Variants in LRRIQ1 observed in about 807,000 individuals in gnomAD.
The protein encoded by LRRIQ1 is leucine-rich repeat- and IQ domain-containing protein 1.
In LRRIQ1, 210 loss-of-function variants were observed where a neutral mutation model predicts 211.9. The observed-to-expected ratio is 0.99, with a 90% confidence interval of 0.89 to 1.11. The LOEUF (loss-of-function observed/expected upper bound fraction) is 1.11, where lower values mean the gene tolerates loss of function less well. Among genes scored for constraint, LRRIQ1 ranks in the 50% most tolerant of loss-of-function variants. The pLI, the probability that LRRIQ1 is intolerant of heterozygous loss-of-function variation, is 0.00. For missense variants in LRRIQ1, 2,136 were observed against 1,939.5 expected (o/e 1.10, Z -1.90); for synonymous variants, 699 against 650.1 (o/e 1.08, Z -1.14).
chr12:85,198,784 G>C (rs58728306), intron 24 of LRRIQ1, among the ~76,000 whole-genome samples: 7 of 152,042 alleles, frequency 4.6e-5, no homozygotes, highest in Non-Finnish European at 1.0e-4. Flanking sequence ...TAGCCAGAAT[G>C]GTCTTGATTT....
chr12:85,255,925 CAT>C (rs1896076709), intron 1 of LRRIQ1, among the ~76,000 whole-genome samples: 1 of 151,688 alleles, frequency 6.6e-6, no homozygotes. Flanking sequence ...TTAGTGGACT[CAT>C]GTAATATGGA....
chr12:85,043,232 G>A (rs1046829519), intron 3 of LRRIQ1, among the ~76,000 whole-genome samples: 5 of 152,034 alleles, frequency 3.3e-5, no homozygotes, highest in African/African-American at 4.8e-5. Flanking sequence ...GGCTCACCTG[G>A]ACAGTTCTTG....
chr12:85,194,256 C>A (rs1205345149), intron 24 of LRRIQ1, among the ~76,000 whole-genome samples: 23 of 114,406 alleles, frequency 2.0e-4, no homozygotes, highest in Middle Eastern at 3.9e-3. Context: ...CAACATTAGA[C>A]AGATCAACGA....
intron 24 of LRRIQ1, among the ~76,000 whole-genome samples, chr12:85,224,703 G>A (rs1377314099): frequency 6.9e-6 from 1 of 144,598 alleles, no homozygotes; most frequent in Admixed American, 6.9e-5. Context: ...ATGGACACAG[G>A]GAGGGGGAAA....
Position 85,046,138 on chromosome 12 carries a change from G to A in LRRIQ1, c.454+1G>A, listed in dbSNP as rs773256074. ...CCTATGGATGAACATGTTTTACCAGGTGGACTAAATTGCTCAATGATATGT... is the reference window on the plus strand; with the variant it reads ...CCTATGGATGAACATGTTTTACCAGATGGACTAAATTGCTCAATGATATGT... On this transcript the variant is annotated splice_donor_variant, in intron 5 of 26. Coordinates refer to ENST00000393217, the MANE Select transcript of LRRIQ1 (RefSeq NM_001079910.2). LOFTEE classifies it high-confidence loss of function. 2 of 1,557,760 alleles carry A rather than the reference G, an allele frequency of 1.3e-6. No individual in the cohort carries two copies. Among genetic ancestry groups the A allele is most frequent in the Admixed American group, 3.5e-5 (2 of 57,830 alleles).
chr12:85,057,171 A>C lies in LRRIQ1; in HGVS notation c.2378A>C (p.Asp793Ala), dbSNP rs778588510. ...KLEILRCGPWDTLQQVTTVTF... is the reference protein window; with the variant it reads ...KLEILRCGPWATLQQVTTVTF... ...GAAATTCTTCGATGTGGCCCTTGGGATACTTTACAGCAGGTATTTCTAATT... is the reference window on the plus strand; with the variant it reads ...GAAATTCTTCGATGTGGCCCTTGGGCTACTTTACAGCAGGTATTTCTAATT... The change falls in exon 8 of 27, where the codon GAT becomes GCT. Residue 793 changes from aspartate (D) to alanine (A), a missense_variant. Physicochemically the swap from Asp to Ala is moderately radical, Grantham distance 126 (BLOSUM62 -2). Coordinates refer to ENST00000393217, the MANE Select transcript of LRRIQ1 (RefSeq NM_001079910.2). 1 of 1,504,178 alleles carries C rather than the reference A, an allele frequency of 6.6e-7. No homozygotes were observed. The highest frequency in any genetic ancestry group is 2.3e-5 in the East Asian group (1 of 42,772). The allele number at this position is 1,504,178 out of a possible 1,614,324, so 93.2% of individuals were successfully genotyped here.
chr12:85,239,272 GC>G (rs1478385094), intron 26 of LRRIQ1, among the ~76,000 whole-genome samples: 1 of 150,698 alleles, frequency 6.6e-6, no homozygotes, highest in African/African-American at 2.4e-5. Flanking sequence ...AATAGCAAAT[GC>G]AATCTTGAAA....
At chr12:85,110,789 GACT>G (rs1380722059) in intron 15 of LRRIQ1, among the ~76,000 whole-genome samples, 1 of 152,090 alleles carries the variant, frequency 6.6e-6, no homozygotes, top group Non-Finnish European at 1.5e-5. Context: ...GATGTAGCTA[GACT>G]CTGTTTGAAG....
In LRRIQ1 at chr12:85,149,758, CA is replaced by C. The variant is rs534789986; in HGVS notation, c.4330-2518del. On this transcript the variant is annotated intron_variant, in intron 19 of 26. Coordinates refer to ENST00000393217, the MANE Select transcript of LRRIQ1 (RefSeq NM_001079910.2). ...ATTTTTGTTGCGATTATATAATTAC[CA>C]AAAGCATCTTTAACATTTTATATAA... is the stretch of plus-strand genomic sequence containing the variant. 3.0e-4 allele frequency among the ~76,000 whole-genome samples: 46 copies of C among 151,598 alleles called. 1 individual carries two copies. The South Asian group carries it at 7.3e-3, about 24-fold the overall frequency.
At chr12:85,055,086 T>G (rs1880819945) in intron 7 of LRRIQ1, among the ~76,000 whole-genome samples, 1 of 152,092 alleles carries the variant, frequency 6.6e-6, no homozygotes, top group Non-Finnish European at 1.5e-5. Flanking sequence ...CTGGCTTTCT[T>G]GGTACCATAA....
chr12:85,233,068 A>G (rs924166259), intron 26 of LRRIQ1: 2 of 256,598 alleles, frequency 7.8e-6, no homozygotes, highest in Non-Finnish European at 1.5e-5. Flanking sequence ...GAAGAGTAGA[A>G]TTTGTAGGCT....
At chr12:85,155,904 T>C (rs572779422) in intron 23 of LRRIQ1, among the ~76,000 whole-genome samples, 1 of 151,630 alleles carries the variant, frequency 6.6e-6, no homozygotes, top group African/African-American at 2.4e-5. Context: ...GAATATATGC[T>C]AGTACATAAA....
At chr12:85,236,488 G>A (rs1225202858) in intron 26 of LRRIQ1, among the ~76,000 whole-genome samples, 2 of 151,994 alleles carry the variant, frequency 1.3e-5, no homozygotes, top group Non-Finnish European at 2.9e-5. Context: ...TCGGTTTCCA[G>A]ATGAGAGGAA....
At chr12:85,087,371 C>G (rs1187204857) in intron 11 of LRRIQ1, among the ~76,000 whole-genome samples, 1 of 152,112 alleles carries the variant, frequency 6.6e-6, no homozygotes, top group Non-Finnish European at 1.5e-5. Flanking sequence ...GGTTCCAAGT[C>G]TTTGCTATTG....
At chr12:85,152,527 G>C (rs1890309668) in intron 20 of LRRIQ1, among the ~76,000 whole-genome samples, 158 bp downstream of exon 20, 1 of 151,676 alleles carries the variant, frequency 6.6e-6, no homozygotes, top group African/African-American at 2.4e-5. Context: ...AATTTTTCAT[G>C]TAGCTTTTCT....
At chr12:85,266,222 G>T (rs546353990), downstream of LRRIQ1, among the ~76,000 whole-genome samples, 4 of 152,056 alleles carry the variant, frequency 2.6e-5, no homozygotes, top group Non-Finnish European at 5.9e-5. Context: ...TACATAGATA[G>T]AGTTATTAAT....
intron 24 of LRRIQ1, among the ~76,000 whole-genome samples, chr12:85,161,390 G>T (rs530660043): frequency 7.3e-5 from 11 of 151,634 alleles, no homozygotes; most frequent in Admixed American, 7.2e-4. Flanking sequence ...CTAAAAAATT[G>T]TACTACTTTT....
intron 26 of LRRIQ1, among the ~76,000 whole-genome samples, chr12:85,235,327 A>G (rs1247040351): frequency 6.6e-6 from 1 of 152,218 alleles, no homozygotes; most frequent in East Asian, 1.9e-4. Context: ...CAGGTTTCCC[A>G]GGAAACATAC....
intron 15 of LRRIQ1, among the ~76,000 whole-genome samples, chr12:85,110,905 C>A (rs963329010): frequency 6.6e-6 from 1 of 151,978 alleles, no homozygotes; most frequent in African/African-American, 2.4e-5. Context: ...AGTACTCTCT[C>A]TATATATTAC....
Sources: gnomAD v4.1 joint callset for allele counts (sites outside exome capture counted in the v4.1 genomes callset) on GRCh38, gnomAD v4.1.1 for gene constraint, MANE v1.5 for transcripts, NCBI Gene and HGNC (gene_info 2026-07-23, HGNC 2026-07-21) for gene names.